The following ATP6V1C2 variants were observed in gnomAD, a reference collection of about 807,000 sequenced individuals.
ATP6V1C2 encodes the protein V-type proton ATPase subunit C 2.
Under a neutral mutation model 56.8 loss-of-function variants are expected in ATP6V1C2, and 45 were observed. The ratio of observed to expected loss-of-function variants is 0.79; its 90% CI spans 0.62 to 1.02. ATP6V1C2 has a LOEUF of 1.02. Among genes scored for constraint, ATP6V1C2 ranks in the 50% least tolerant of loss-of-function variants. The pLI is 0.00. For synonymous variants in ATP6V1C2, 220 were observed against 201.3 expected (o/e 1.09, Z -0.79); for missense variants, 463 against 519.7 (o/e 0.89, Z 1.06).
At chr2:10,774,263 T>C (rs1664814131) in intron 8 of ATP6V1C2, among the ~76,000 whole-genome samples, 1 of 151,856 alleles carries the variant, frequency 6.6e-6, no homozygotes, top group South Asian at 2.1e-4. Flanking sequence ...TCCAGTCTTC[T>C]GGCCAATAGG....
rs1665605172 is a variant in ATP6V1C2 at position 10,784,497 on chromosome 2, A to C, written c.*1234A>C. On this transcript the variant is annotated 3_prime_UTR_variant, in exon 14 of 14. Coordinates refer to ENST00000272238, the MANE Select transcript of ATP6V1C2 (RefSeq NM_001039362.2). Reference sequence around the variant, plus strand: ...GTACCTATGATTATACGGATGGAAAAGCTCAGAACTCAGGTGAAACATTTC... The same window carrying C: ...GTACCTATGATTATACGGATGGAAACGCTCAGAACTCAGGTGAAACATTTC... 2 of 558,020 alleles carry C rather than the reference A, an allele frequency of 3.6e-6. No homozygotes were observed. Among genetic ancestry groups the C allele is most frequent in the East Asian group, 5.8e-5 (2 of 34,274 alleles). 34.6% of individuals were successfully genotyped at this position (558,020 alleles called of 1,614,324 possible). A position where few individuals can be genotyped will look rare whatever the true frequency, so the allele number is the denominator to read the frequency against.
At chr2:10,726,845 G>C (rs1661667964) in intron 3 of ATP6V1C2, among the ~76,000 whole-genome samples, 1 of 152,032 alleles carries the variant, frequency 6.6e-6, no homozygotes, top group Admixed American at 6.6e-5. Context: ...AAAAGTCCTT[G>C]GTGTAGTTTC....
chr2:10,746,060 T>G (rs1289506970), intron 3 of ATP6V1C2, among the ~76,000 whole-genome samples: 2 of 152,158 alleles, frequency 1.3e-5, no homozygotes, highest in African/African-American at 2.4e-5. Flanking sequence ...TGTTTGTTTG[T>G]TTTTGAGATG....
At chr2:10,727,827 A>AG (rs919926633) in intron 3 of ATP6V1C2, among the ~76,000 whole-genome samples, 1 of 122,488 alleles carries the variant, frequency 8.2e-6, no homozygotes, top group Non-Finnish European at 1.7e-5. Context: ...TGAGCGGGGG[A>AG]GGGGGGATGG....
At chr2:10,756,332 C>G (rs1663551245) in intron 4 of ATP6V1C2, among the ~76,000 whole-genome samples, 1 of 151,764 alleles carries the variant, frequency 6.6e-6, no homozygotes, top group Non-Finnish European at 1.5e-5. Flanking sequence ...TGCATTCCAG[C>G]CTGGGTGACA....
intron 3 of ATP6V1C2, among the ~76,000 whole-genome samples, chr2:10,744,671 T>TC (rs1662775742): frequency 7.4e-6 from 1 of 135,606 alleles, no homozygotes; most frequent in African/African-American, 2.7e-5. Flanking sequence ...CTCTTTTTCT[T>TC]TTTTTTTTTT....
chr2:10,737,983 G>A (rs1344759972), intron 3 of ATP6V1C2, among the ~76,000 whole-genome samples: 6 of 152,160 alleles, frequency 3.9e-5, no homozygotes, highest in East Asian at 3.9e-4. Flanking sequence ...GAGCCCCGGC[G>A]CCTGGCCATC....
chr2:10,733,827 C>CGTTGCTTGCCCCTGAGTGCTTCCCCTGTT (rs1662104065), intron 3 of ATP6V1C2, among the ~76,000 whole-genome samples: 3 of 152,030 alleles, frequency 2.0e-5, no homozygotes, highest in African/African-American at 7.2e-5. Flanking sequence ...CTTCCCCTGT[C>CGTTGCTTGCCCCTGAGTGCTTCCCCTGTT]GTTGCTTGCC....
chr2:10,767,550 C>T (rs968883152), intron 5 of ATP6V1C2, among the ~76,000 whole-genome samples: 3 of 152,042 alleles, frequency 2.0e-5, no homozygotes, highest in South Asian at 2.1e-4. Context: ...TTCCACCTCC[C>T]GGGTTCAAGC....
Position 10,721,668 on chromosome 2 carries a change from C to T in ATP6V1C2, c.-90C>T, listed in dbSNP as rs1661360755. ...CCCGGGAGCCGGCAGAGCGCTCCGG[C>T]CCCGCACCCGCCGCCCGTCGCCCGC... is the stretch of plus-strand genomic sequence containing the variant. On this transcript the variant is annotated 5_prime_UTR_variant, in exon 1 of 14. Coordinates refer to ENST00000272238, the MANE Select transcript of ATP6V1C2 (RefSeq NM_001039362.2). 1.3e-5 allele frequency: 2 copies of T among 151,446 alleles called. No homozygotes were observed. Among genetic ancestry groups the T allele is most frequent in the African/African-American group, 2.4e-5 (1 of 41,346 alleles). The allele number at this position is 151,446 out of a possible 1,614,324, so 9.4% of individuals were successfully genotyped here. A position where few individuals can be genotyped will look rare whatever the true frequency, so the allele number is the denominator to read the frequency against.
At chr2:10,728,868 G>C (rs1430500836) in intron 3 of ATP6V1C2, among the ~76,000 whole-genome samples, 1 of 151,366 alleles carries the variant, frequency 6.6e-6, no homozygotes, top group Non-Finnish European at 1.5e-5. Context: ...GCCAGGCGTG[G>C]TGGCTCACAC....
At position 10,764,431 on chromosome 2, in the gene ATP6V1C2, A is replaced by G; in HGVS notation, c.378+6A>G. ...TGGTGGACACAATAGCCAAGGTGAG[A>G]AAAGGGACTGCTCTGGGGAACAGCT... is the stretch of plus-strand genomic sequence containing the variant. On this transcript the variant is annotated splice_donor_region_variant and intron_variant, in intron 5 of 13. Transcript: ENST00000272238. 6.2e-7 allele frequency: 1 copy of G among 1,612,744 alleles called. No homozygotes were observed. Among genetic ancestry groups the G allele is most frequent in the East Asian group, 2.2e-5 (1 of 44,862 alleles).
Position 10,783,258 on chromosome 2 carries a change from G to A in ATP6V1C2, c.1279G>A (p.Asp427Asn). 1 of 1,610,068 alleles carries A rather than the reference G, an allele frequency of 6.2e-7. No homozygotes were observed. Among genetic ancestry groups the A allele is most frequent in the Non-Finnish European group, 8.5e-7 (1 of 1,176,516 alleles). ...CTTCCATATTGACCTTAGTCTTCTT[G>A]ACTAGAAAGGCCAGCTGGCACCTCT... is the stretch of plus-strand genomic sequence containing the variant. ...VYFHIDLSLL[D>N] The change falls in exon 14 of 14, where the codon GAC becomes AAC. Residue 427 changes from aspartate to asparagine, a missense_variant. Asp to Asn is a conservative substitution (Grantham distance 23). Coordinates refer to ENST00000272238, the MANE Select transcript of ATP6V1C2 (RefSeq NM_001039362.2).
At position 10,777,576 on chromosome 2, in the gene ATP6V1C2, T is replaced by C; in HGVS notation, c.826-9T>C. 2 of 1,604,740 alleles carry C rather than the reference T, an allele frequency of 1.2e-6. No homozygotes were observed. Among genetic ancestry groups the C allele is most frequent in the Non-Finnish European group, 1.7e-6 (2 of 1,177,662 alleles). On this transcript the variant is annotated splice_polypyrimidine_tract_variant and intron_variant, in intron 10 of 13. Transcript: ENST00000272238. ...CTGAAAGATTAATAAATCATTTCTG[T>C]GCCTTTAGCAAACTTCCTGTGTTGC...
chr2:10,750,144 G>A (rs1663128886), intron 3 of ATP6V1C2, among the ~76,000 whole-genome samples: 1 of 152,208 alleles, frequency 6.6e-6, no homozygotes, highest in South Asian at 2.1e-4. Flanking sequence ...TCTAGCAGTA[G>A]AACTTCATAG....
At chr2:10,768,402 C>G (rs1345297921) in intron 5 of ATP6V1C2, among the ~76,000 whole-genome samples, 1 of 152,202 alleles carries the variant, frequency 6.6e-6, no homozygotes, top group East Asian at 1.9e-4. Flanking sequence ...GATTGGGGGT[C>G]AGCCTGAGCT....
chr2:10,764,212 G>C (rs1056983252), intron 4 of ATP6V1C2, 119 bp from the exon 5 acceptor site: 1 of 836,288 alleles, frequency 1.2e-6, no homozygotes, highest in African/African-American at 1.7e-5. Flanking sequence ...CCTGCCCGCC[G>C]GCGTTGCCCA....
chr2:10,777,518 G>A, intron 10 of ATP6V1C2, 67 bp from the exon 11 acceptor site: 1 of 1,575,906 alleles, frequency 6.3e-7, no homozygotes, highest in African/African-American at 1.4e-5. Flanking sequence ...TTCAGGCGAT[G>A]AGAATGATTT....
intron 3 of ATP6V1C2, among the ~76,000 whole-genome samples, chr2:10,744,709 G>T (rs1423087847): frequency 8.2e-6 from 1 of 122,164 alleles, no homozygotes; most frequent in African/African-American, 3.2e-5. Context: ...TCACTCTGTT[G>T]CCAGGCTGGA....
Sources: gnomAD v4.1 joint callset for allele counts (sites outside exome capture counted in the v4.1 genomes callset) on GRCh38, gnomAD v4.1.1 for gene constraint, MANE v1.5 for transcripts, NCBI Gene and HGNC (gene_info 2026-07-23, HGNC 2026-07-21) for gene names.